Variants in THUMPD2 observed in about 807,000 individuals in gnomAD.
THUMPD2 encodes THUMP domain 2 tRNA and snRNA guanosine methyltransferase.
Under a neutral mutation model 49.4 loss-of-function variants are expected in THUMPD2, and 56 were observed. The ratio of observed to expected loss-of-function variants is 1.13; its 90% CI spans 0.91 to 1.41. THUMPD2 has a LOEUF of 1.41. THUMPD2 is among the 40% of genes most tolerant of loss of function. The pLI is 0.00. For missense variants in THUMPD2, 709 were observed against 594.5 expected (o/e 1.19, Z -2.00); for synonymous variants, 237 against 205.2 (o/e 1.15, Z -1.32).
chr2:39,769,781 T>G lies in THUMPD2; in HGVS notation c.601A>C (p.Asn201His). ...ACTCTGAAAGTCAAGTCATTCTGAT[T>G]ATGAGTATCAATTGCTTTCTCTATG... ...NDIEKAIDTH[N>H]QNDLTFRVSC... is the part of the protein sequence containing the mutation. The change falls in exon 3 of 10, where the codon AAT (asparagine) becomes CAT (histidine). Residue 201 changes from asparagine (N) to histidine (H), a missense_variant. Coordinates refer to ENST00000505747, the MANE Select transcript of THUMPD2 (RefSeq NM_025264.5). 1 of 1,603,988 alleles carries G rather than the reference T, an allele frequency of 6.2e-7. No individual in the cohort carries two copies. The highest frequency in any genetic ancestry group is 1.7e-4 in the Middle Eastern group (1 of 6,008).
At chr2:39,755,644 T>A (rs1457864903) in intron 7 of THUMPD2, among the ~76,000 whole-genome samples, 1 of 152,208 alleles carries the variant, frequency 6.6e-6, no homozygotes, top group East Asian at 1.9e-4. Flanking sequence ...AATTTGAGGA[T>A]TAGTATAATC....
At chr2:39,773,608 A>T (rs962333686) in intron 1 of THUMPD2, among the ~76,000 whole-genome samples, 1 of 141,688 alleles carries the variant, frequency 7.1e-6, no homozygotes, top group Non-Finnish European at 1.5e-5. Context: ...ATATTTTAAA[A>T]ATATATATAT....
chr2:39,748,159 A>G (rs933570708), intron 8 of THUMPD2, among the ~76,000 whole-genome samples: 1 of 152,226 alleles, frequency 6.6e-6, no homozygotes, highest in Non-Finnish European at 1.5e-5. Context: ...CATTTGTTGA[A>G]TCCTTTGATT....
At position 39,767,583 on chromosome 2, in the gene THUMPD2, G is replaced by A. The variant is rs566290161; in HGVS notation, c.750+841C>T. Among the ~76,000 whole-genome samples the A allele has an allele frequency of 4.8e-3, 579 of 119,584 alleles. 5 individuals are homozygous for A. Among genetic ancestry groups the A allele is most frequent in the Non-Finnish European group, 7.3e-3 (460 of 62,872 alleles). 78.5% of individuals were successfully genotyped at this position (119,584 alleles called of 152,430 possible). ...CCCGCCACTGCACTCCAGCCTGGGCGACAGAGCGAGACTCCGTCTCAAAAA... is the reference window on the plus strand; with the variant it reads ...CCCGCCACTGCACTCCAGCCTGGGCAACAGAGCGAGACTCCGTCTCAAAAA... On this transcript the variant is annotated intron_variant, in intron 4 of 9. Transcript: ENST00000505747.
At chr2:39,748,619 C>T (rs919721318) in intron 8 of THUMPD2, among the ~76,000 whole-genome samples, 1 of 151,804 alleles carries the variant, frequency 6.6e-6, no homozygotes, top group Non-Finnish European at 1.5e-5. Flanking sequence ...ACCCAGGAGG[C>T]GGAGGTTGCA....
intron 1 of THUMPD2, among the ~76,000 whole-genome samples, chr2:39,774,563 A>T (rs1678817363): frequency 6.6e-6 from 1 of 152,208 alleles, no homozygotes; most frequent in African/African-American, 2.4e-5. Flanking sequence ...GAATCAAATA[A>T]TCCTATCTGT....
Position 39,738,586 on chromosome 2 carries a change from C to T in THUMPD2, c.1188-1527G>A, listed in dbSNP as rs984686645. 1.9e-4 allele frequency among the ~76,000 whole-genome samples: 20 copies of T among 107,656 alleles called. No homozygotes were observed. The East Asian group carries it at 6.5e-3, about 35-fold the overall frequency. The allele number at this position is 107,656 out of a possible 152,430, so 70.6% of individuals were successfully genotyped here. On this transcript the variant is annotated intron_variant, in intron 9 of 9. Transcript: ENST00000505747. ...CTTTAAAATAAAATTATTTTTTACA[C>T]ACATACATATGTAAAAATATATATA... is the stretch of plus-strand genomic sequence containing the variant.
At chr2:39,739,998 GATA>G (rs1422978984) in intron 9 of THUMPD2, among the ~76,000 whole-genome samples, 3 of 152,144 alleles carry the variant, frequency 2.0e-5, no homozygotes, top group Non-Finnish European at 4.4e-5. Context: ...GAATAACAGT[GATA>G]ATAATGGTGA....
intron 9 of THUMPD2, among the ~76,000 whole-genome samples, chr2:39,740,201 G>A (rs754764601): frequency 2.0e-5 from 3 of 152,128 alleles, no homozygotes; most frequent in African/African-American, 4.8e-5. Context: ...ACCATGCAAG[G>A]ATGTTCAAAG....
In THUMPD2 at chr2:39,736,684, C is replaced by T; in HGVS notation, c.*51G>A. ...GAATCCTAGAGACAGCAAACTTCTG[C>T]TGTACAGCTAACTTACAAGGGCCTG... On this transcript the variant is annotated 3_prime_UTR_variant, in exon 10 of 10. Coordinates refer to ENST00000505747, the MANE Select transcript of THUMPD2 (RefSeq NM_025264.5). 1 of 1,514,052 alleles carries T rather than the reference C, an allele frequency of 6.6e-7. No individual in the cohort carries two copies. The highest frequency in any genetic ancestry group is 8.9e-7 in the Non-Finnish European group (1 of 1,123,524). The allele number at this position is 1,514,052 out of a possible 1,614,324, so 93.8% of individuals were successfully genotyped here. A position where few individuals can be genotyped will look rare whatever the true frequency, so the allele number is the denominator to read the frequency against.
chr2:39,779,257 C>G lies in THUMPD2; in HGVS notation c.-18G>C, dbSNP rs530520779. The stretch of plus-strand genomic sequence containing the variant: ...TCCGACATGGCGGCTCAGGCGCGCC[C>G]TCGCGCCTTCGGGTCACGTGGCCTC... On this transcript the variant is annotated 5_prime_UTR_variant, in exon 1 of 10. Transcript: ENST00000505747. 2.3e-5 allele frequency: 33 copies of G among 1,465,232 alleles called. No individual in the cohort carries two copies. In the African/African-American group the frequency reaches 4.4e-4, roughly 20 times the overall value. The allele number at this position is 1,465,232 out of a possible 1,614,324, so 90.8% of individuals were successfully genotyped here.
intron 5 of THUMPD2, among the ~76,000 whole-genome samples, chr2:39,763,171 ATT>A (rs371670095): frequency 2.0e-5 from 3 of 151,210 alleles, no homozygotes; most frequent in Admixed American, 2.0e-4. Context: ...GCATGTGTGC[ATT>A]TTTTTTTCTC....
At chr2:39,738,342 C>T (rs953026402) in intron 9 of THUMPD2, among the ~76,000 whole-genome samples, 5 of 152,010 alleles carry the variant, frequency 3.3e-5, no homozygotes, top group African/African-American at 2.4e-5. Flanking sequence ...GTGGGAGGAT[C>T]GCTTGAGCAC....
Position 39,741,346 on chromosome 2 carries a change from T to A in THUMPD2, c.1187+3024A>T, listed in dbSNP as rs118064218. Among the ~76,000 whole-genome samples, 31 of 152,328 alleles carry A rather than the reference T, an allele frequency of 2.0e-4. No individual in the cohort carries two copies. The East Asian group carries it at 2.9e-3, about 14-fold the overall frequency. On this transcript the variant is annotated intron_variant, in intron 9 of 9. Coordinates refer to ENST00000505747, the MANE Select transcript of THUMPD2 (RefSeq NM_025264.5). ...CTCATTGTTCCATGAACACACCTCC[T>A]GCTGTACTGCTCACTCAAGAAATAC...
At chr2:39,767,180 G>A (rs1677635208) in intron 4 of THUMPD2, among the ~76,000 whole-genome samples, 2 of 152,184 alleles carry the variant, frequency 1.3e-5, no homozygotes, top group East Asian at 3.9e-4. Context: ...ATTATTAATT[G>A]CATTAAATGG....
At chr2:39,767,418 A>C (rs1002130572) in intron 4 of THUMPD2, among the ~76,000 whole-genome samples, 1 of 150,832 alleles carries the variant, frequency 6.6e-6, no homozygotes, top group Admixed American at 6.6e-5. Flanking sequence ...TCCCGGCTAA[A>C]ACGGTGAAAC....
At chr2:39,764,753 T>C (rs1472433074) in intron 5 of THUMPD2, among the ~76,000 whole-genome samples, 3 of 152,206 alleles carry the variant, frequency 2.0e-5, no homozygotes, top group African/African-American at 7.2e-5. Flanking sequence ...TAAATTGTTC[T>C]TTTTAGCCAA....
intron 8 of THUMPD2, 29 bp downstream of exon 8, chr2:39,755,266 T>G: frequency 7.5e-7 from 1 of 1,333,902 alleles, no homozygotes; most frequent in Non-Finnish European, 1.0e-6. Flanking sequence ...GTTCCTTTTC[T>G]CAATTGTTTT....
In THUMPD2 at chr2:39,744,388, A is replaced by G; in HGVS notation, c.1169T>C (p.Ile390Thr). The G allele has an allele frequency of 6.4e-7, 1 of 1,573,312 alleles. No homozygotes were observed. The highest frequency in any genetic ancestry group is 8.6e-7 in the Non-Finnish European group (1 of 1,162,936). The change falls in exon 9 of 10, where the codon ATT becomes ACT. Residue 390 changes from isoleucine to threonine, a missense_variant. Ile to Thr is a moderately conservative substitution (Grantham distance 89, BLOSUM62 -1). Transcript: ENST00000505747. ...AACTTACCTTTCCATTTCTTGTAGAATGCTTTTGATGTCTTTTCCTAACTT... is the reference window on the plus strand; with the variant it reads ...AACTTACCTTTCCATTTCTTGTAGAGTGCTTTTGATGTCTTTTCCTAACTT... Reference protein sequence around the residue: ...KFKLGKDIKSILQEMERVLHV... With the variant: ...KFKLGKDIKSTLQEMERVLHV...
Sources: allele counts gnomAD v4.1 joint callset (sites outside exome capture counted in the v4.1 genomes callset), GRCh38; gene constraint gnomAD v4.1.1; transcripts MANE v1.5; gene names NCBI Gene and HGNC (gene_info 2026-07-23, HGNC 2026-07-21).